CGGBP1: variants seen among roughly 807,000 people sequenced by gnomAD.
The protein encoded by CGGBP1 is CGG triplet repeat-binding protein 1.
A neutral mutation model predicts 11.4 loss-of-function variants in CGGBP1; 4 were observed. That is an observed-to-expected ratio of 0.35 (90% CI 0.17 to 0.80). The LOEUF is 0.80. Ranked by LOEUF, CGGBP1 falls within the 30% of genes least tolerant of loss-of-function variation. The pLI is 0.52. For missense variants in CGGBP1, 135 were observed against 202.1 expected, an observed-to-expected ratio of 0.67 and a Z score of 2.01; for synonymous variants, 76 against 74.1, an observed-to-expected ratio of 1.03 and a Z score of -0.13.
chr3:88,107,034 C>T (rs1704785083), intron 2 of CGGBP1, among the ~76,000 whole-genome samples: 1 of 152,114 alleles, frequency 6.6e-6, no homozygotes, highest in Non-Finnish European at 1.5e-5. Context: ...TGGCTGGTCC[C>T]TTTTCATTTC....
At chr3:88,060,007 C>T (rs1314869023), upstream of CGGBP1, among the ~76,000 whole-genome samples, 1 of 151,860 alleles carries the variant, frequency 6.6e-6, no homozygotes, top group Non-Finnish European at 1.5e-5. Flanking sequence ...GGTCTCCTGT[C>T]ATCCCCTCAC....
At chr3:88,110,119 T>A (rs1339821478) in intron 2 of CGGBP1, among the ~76,000 whole-genome samples, 1 of 152,162 alleles carries the variant, frequency 6.6e-6, no homozygotes, top group Non-Finnish European at 1.5e-5. Context: ...AGCAAATACC[T>A]ATGCACTAAG....
rs564648474 is a variant in CGGBP1, at chr3:88,079,361, G to A, written c.-228-21138C>T. On this transcript the variant is annotated intron_variant, in intron 2 of 3. Transcript: ENST00000462901. ...AGTTAAAATGGATGAAAGGATAGCA[G>A]ATATTTAATCTAGGAAGAGACTATA... Among the ~76,000 whole-genome samples, 6 of 152,176 alleles carry A rather than the reference G, an allele frequency of 3.9e-5. No homozygotes were observed. The South Asian group carries it at 8.3e-4, about 21-fold the overall frequency.
chr3:88,105,380 T>C (rs1462054956), intron 2 of CGGBP1, among the ~76,000 whole-genome samples: 1 of 152,198 alleles, frequency 6.6e-6, no homozygotes, highest in Non-Finnish European at 1.5e-5. Context: ...TTCTGTGAAT[T>C]CTATGAATTT....
chr3:88,061,838 C>T (rs1294946399), upstream of CGGBP1, among the ~76,000 whole-genome samples: 1 of 152,112 alleles, frequency 6.6e-6, no homozygotes, highest in Non-Finnish European at 1.5e-5. Context: ...GTGAGTAATG[C>T]AATGGATATT....
intron 2 of CGGBP1, among the ~76,000 whole-genome samples, chr3:88,135,819 TC>T (rs910045357): frequency 4.5e-4 from 68 of 152,238 alleles, no homozygotes; most frequent in Admixed American, 4.1e-3. Flanking sequence ...CAATAAGACT[TC>T]GAGTATAAAG....
chr3:88,089,364 G>A lies in CGGBP1; in HGVS notation c.-228-31141C>T, dbSNP rs138086929. 5.7e-3 allele frequency among the ~76,000 whole-genome samples: 860 copies of A among 151,782 alleles called. 5 individuals carry two copies. Among genetic ancestry groups the A allele is most frequent in the African/African-American group, 0.017 (697 of 41,434 alleles). The stretch of plus-strand genomic sequence containing the variant: ...AAATTAGCCAGGCGTGGTGGCAAGC[G>A]CCTGTAATCCCAGCTACTTGGGAGG... On this transcript the variant is annotated intron_variant, in intron 2 of 3. Coordinates refer to the CGGBP1 transcript ENST00000462901.
chr3:88,082,317 G>T (rs185556267), intron 2 of CGGBP1, among the ~76,000 whole-genome samples: 38 of 152,176 alleles, frequency 2.5e-4, no homozygotes, highest in Non-Finnish European at 5.0e-4. Flanking sequence ...AGTAGTGACA[G>T]GGTTTCACCA....
intron 1 of CGGBP1, among the ~76,000 whole-genome samples, chr3:88,149,352 C>T (rs188909132): frequency 1.3e-5 from 2 of 152,206 alleles, no homozygotes; most frequent in Non-Finnish European, 2.9e-5. Context: ...CCAGAACCCC[C>T]AACCTTAAAT....
At chr3:88,078,085 CTT>C (rs1356276316) in intron 2 of CGGBP1, among the ~76,000 whole-genome samples, 2 of 152,168 alleles carry the variant, frequency 1.3e-5, no homozygotes, top group Admixed American at 1.3e-4. Flanking sequence ...GTATAATACT[CTT>C]TACATTTCAA....
In CGGBP1 at chr3:88,055,958, TTAC is replaced by T. The variant is rs763308303; in HGVS notation, c.16_18del (p.Val6del). 6.2e-7 allele frequency: 1 copy of T among 1,611,512 alleles called. No individual in the cohort carries two copies. The highest frequency in any genetic ancestry group is 8.5e-7 in the Non-Finnish European group (1 of 1,178,366). ...GAACGGTTTCGAGCAGGTGGTGCTG[TTAC>T]TACAAATCGCTCCATTCTGACTCTA... On this transcript the variant is annotated inframe_deletion, in exon 4 of 4. Transcript: ENST00000482016. The surrounding 1 kb of genome is among the most constrained non-coding windows in gnomAD (Gnocchi z 4.2).
At chr3:88,130,728 G>C (rs1706408733) in intron 2 of CGGBP1, among the ~76,000 whole-genome samples, 1 of 151,250 alleles carries the variant, frequency 6.6e-6, no homozygotes, top group Non-Finnish European at 1.5e-5. Flanking sequence ...AAAGTGCTGG[G>C]ATTATAGGCA....
intron 2 of CGGBP1, among the ~76,000 whole-genome samples, chr3:88,108,320 A>G (rs1245494097): frequency 7.2e-5 from 11 of 152,146 alleles, no homozygotes; most frequent in Non-Finnish European, 1.6e-4. Context: ...AGTCAAGGCA[A>G]GCTATTTTAT....
At chr3:88,118,753 A>C (rs537545991) in intron 2 of CGGBP1, among the ~76,000 whole-genome samples, 2 of 152,316 alleles carry the variant, frequency 1.3e-5, no homozygotes, top group Non-Finnish European at 2.9e-5. Flanking sequence ...AAACTGTGCT[A>C]CCATATTTTC....
chr3:88,135,687 T>C (rs1432949698), intron 2 of CGGBP1, among the ~76,000 whole-genome samples: 2 of 152,078 alleles, frequency 1.3e-5, no homozygotes, highest in African/African-American at 4.8e-5. Context: ...GTTACCTCTT[T>C]CTAAAAATAG....
intron 2 of CGGBP1, among the ~76,000 whole-genome samples, chr3:88,087,955 A>T (rs2107667573): frequency 6.6e-6 from 1 of 152,306 alleles, no homozygotes; most frequent in South Asian, 2.1e-4. Context: ...CGCTCATTGG[A>T]ACGTTACAGA....
upstream of CGGBP1, among the ~76,000 whole-genome samples, chr3:88,061,098 G>C (rs1262407112): frequency 6.6e-6 from 1 of 152,026 alleles, no homozygotes; most frequent in Non-Finnish European, 1.5e-5. Context: ...CAGAGCACTT[G>C]TTTTGTAACT....
Position 88,130,617 on chromosome 3 carries a change from ATTTTTTTT to A in CGGBP1, c.-229+10345_-229+10352del, listed in dbSNP as rs10674029. Among the ~76,000 whole-genome samples the A allele has an allele frequency of 3.1e-5, 4 of 129,206 alleles. 1 individual carries two copies. In the South Asian group the frequency reaches 7.3e-4, roughly 24 times the overall value. 84.8% of individuals were successfully genotyped at this position (129,206 alleles called of 152,430 possible). A position where few individuals can be genotyped will look rare whatever the true frequency, so the allele number is the denominator to read the frequency against. ...AGATGTGTGCAACCATGCCCAGCTA[ATTTTTTTT>A]TTTTTTTTTTGGTAGAGATGGGGAT... On this transcript the variant is annotated intron_variant, in intron 2 of 3. Coordinates refer to the CGGBP1 transcript ENST00000462901.
chr3:88,069,315 G>C (rs1219218526), intron 2 of CGGBP1, among the ~76,000 whole-genome samples: 1 of 152,108 alleles, frequency 6.6e-6, no homozygotes, highest in Non-Finnish European at 1.5e-5. Context: ...CCAGTTACTT[G>C]GGAGGCTGAG....
Sources: gnomAD v4.1 joint callset for allele counts (sites outside exome capture counted in the v4.1 genomes callset) on GRCh38, gnomAD v4.1.1 for gene constraint, Gnocchi (gnomAD v3.1) non-coding constraint, MANE v1.5 for transcripts, NCBI Gene and HGNC (gene_info 2026-07-23, HGNC 2026-07-21) for gene names.